AFG2A: variants seen among roughly 807,000 people sequenced by gnomAD.
The protein encoded by AFG2A is ATPase family gene 2 protein homolog A.
chr4:122,958,316 G>C, the AFG2A span, among the ~76,000 whole-genome samples: 1 of 152,136 alleles, frequency 6.6e-6, no homozygotes. Flanking sequence ...TGCTTTTCAG[G>C]AGGTGTTTTC....
At chr4:123,045,943 A>G in the AFG2A span, among the ~76,000 whole-genome samples, 1 of 151,908 alleles carries the variant, frequency 6.6e-6, no homozygotes, top group African/African-American at 2.4e-5. Context: ...TAAAAATACA[A>G]AAATTAGCCA....
At chr4:123,078,701 A>G in the AFG2A span, among the ~76,000 whole-genome samples, 6 of 152,150 alleles carry the variant, frequency 3.9e-5, no homozygotes, top group South Asian at 2.1e-4. Context: ...TGGCTACCAA[A>G]AAGTATCTTT....
the AFG2A span, among the ~76,000 whole-genome samples, chr4:123,204,730 A>G: frequency 6.6e-6 from 1 of 152,222 alleles, no homozygotes; most frequent in Non-Finnish European, 1.5e-5. Context: ...AGGGTTTTAA[A>G]GAAAACATTC....
At chr4:123,224,116 A>G in the AFG2A span, among the ~76,000 whole-genome samples, 5 of 152,050 alleles carry the variant, frequency 3.3e-5, no homozygotes, top group African/African-American at 1.2e-4. Flanking sequence ...ATAAGGGTCC[A>G]ATTTCATTGT....
the AFG2A span, among the ~76,000 whole-genome samples, chr4:123,045,312 T>C: frequency 2.3e-5 from 1 of 43,646 alleles, no homozygotes; most frequent in African/African-American, 4.2e-5. Flanking sequence ...CAGTGCGTAT[T>C]TCTACAAAAT....
chr4:122,982,603 C>A, the AFG2A span, among the ~76,000 whole-genome samples: 1 of 152,276 alleles, frequency 6.6e-6, no homozygotes, highest in African/African-American at 2.4e-5. Context: ...AGAAGCATAA[C>A]TTCTCGGGTC....
the AFG2A span, among the ~76,000 whole-genome samples, chr4:123,224,108 A>T: frequency 6.6e-6 from 1 of 152,160 alleles, no homozygotes; most frequent in African/African-American, 2.4e-5. Flanking sequence ...GATGTAAGAT[A>T]AGGGTCCAAT....
chr4:123,090,523 A>C, the AFG2A span: 35 of 1,583,244 alleles, frequency 2.2e-5, no homozygotes, highest in Non-Finnish European at 2.6e-5. Context: ...AAATTAATAG[A>C]TAATAGTATT....
chr4:123,269,973 C>T, the AFG2A span, among the ~76,000 whole-genome samples: 964 of 152,222 alleles, frequency 6.3e-3, 13 homozygotes, highest in African/African-American at 0.022. Flanking sequence ...CCCGCCACCA[C>T]GCCCGGCTAA....
At chr4:122,999,593 A>C in the AFG2A span, among the ~76,000 whole-genome samples, 1 of 151,680 alleles carries the variant, frequency 6.6e-6, no homozygotes, top group Non-Finnish European at 1.5e-5. Flanking sequence ...TGTTTTTCTC[A>C]GGTTTGTCAA....
At chr4:123,024,206 G>A in the AFG2A span, among the ~76,000 whole-genome samples, 775 of 144,520 alleles carry the variant, frequency 5.4e-3, 7 homozygotes, top group African/African-American at 0.018. Context: ...AACGAAAAGC[G>A]GTCACAGATC....
At chr4:122,988,066 T>G in the AFG2A span, among the ~76,000 whole-genome samples, 2 of 2,634 alleles carry the variant, frequency 7.6e-4, no homozygotes, top group Non-Finnish European at 4.8e-3. Context: ...TTGTTGGCAG[T>G]TTTTTTTTTT....
the AFG2A span, among the ~76,000 whole-genome samples, chr4:123,237,668 G>C: frequency 1.8e-5 from 1 of 54,994 alleles, no homozygotes; most frequent in South Asian, 5.1e-4. Flanking sequence ...GTGAAACCTT[G>C]TCTCAAAAAA....
chr4:123,248,315 CTTATT>C, the AFG2A span, among the ~76,000 whole-genome samples: 320 of 152,236 alleles, frequency 2.1e-3, 6 homozygotes, highest in Middle Eastern at 0.027. Flanking sequence ...CATACTACTG[CTTATT>C]TTATTAGTCT....
the AFG2A span, among the ~76,000 whole-genome samples, chr4:123,167,469 T>A: frequency 6.6e-6 from 1 of 152,018 alleles, no homozygotes; most frequent in Non-Finnish European, 1.5e-5. Flanking sequence ...TTCCTCAGTC[T>A]CCCAAGTAGC....
the AFG2A span, among the ~76,000 whole-genome samples, chr4:123,278,178 G>A: frequency 6.6e-6 from 1 of 152,032 alleles, no homozygotes; most frequent in Non-Finnish European, 1.5e-5. Flanking sequence ...AATTTCTTAG[G>A]TTCAGTCTTG....
chr4:123,057,120 T>C, the AFG2A span: 63 of 1,354,714 alleles, frequency 4.7e-5, no homozygotes, highest in African/African-American at 8.3e-4. Context: ...CCTAATAGGT[T>C]TGGTTCTAAA....
the AFG2A span, among the ~76,000 whole-genome samples, chr4:123,070,600 A>G: frequency 6.6e-6 from 1 of 152,160 alleles, no homozygotes; most frequent in African/African-American, 2.4e-5. Flanking sequence ...CAAGGATACT[A>G]ATTCCATACA....
At chr4:123,096,344 T>C in the AFG2A span, among the ~76,000 whole-genome samples, 1 of 152,084 alleles carries the variant, frequency 6.6e-6, no homozygotes, top group Non-Finnish European at 1.5e-5. Flanking sequence ...CTGGATTTGC[T>C]TAGCATCAGG....
Sources: allele counts gnomAD v4.1 joint callset (sites outside exome capture counted in the v4.1 genomes callset), GRCh38; gene constraint gnomAD v4.1.1; transcripts MANE v1.5; gene names NCBI Gene and HGNC (gene_info 2026-07-23, HGNC 2026-07-21).